SV2C: variants seen among roughly 807,000 people sequenced by gnomAD.
The protein encoded by SV2C is synaptic vesicle glycoprotein 2C.
In SV2C, 49 loss-of-function variants were observed where a neutral mutation model predicts 79.7. The observed-to-expected ratio is 0.61, with a 90% confidence interval of 0.49 to 0.78. The LOEUF (loss-of-function observed/expected upper bound fraction) is 0.78, where lower values mean the gene tolerates loss of function less well. Ranked by LOEUF, SV2C falls within the 30% of genes least tolerant of loss-of-function variation. SV2C has a pLI of 0.00. For synonymous variants in SV2C, 334 were observed against 333.2 expected (o/e 1.00, Z -0.03); for missense variants, 833 against 912.9 (o/e 0.91, Z 1.13).
At chr5:75,907,902 G>A in the SV2C span, among the ~76,000 whole-genome samples, 2 of 152,202 alleles carry the variant, frequency 1.3e-5, no homozygotes, top group African/African-American at 2.4e-5. Context: ...ATGGGTCTGC[G>A]ATAAGGTTTC....
the SV2C span, among the ~76,000 whole-genome samples, chr5:76,002,521 C>T: frequency 6.6e-6 from 1 of 152,132 alleles, no homozygotes; most frequent in Non-Finnish European, 1.5e-5. Flanking sequence ...TGTGAATGTA[C>T]TAAAAACCAT....
chr5:76,220,616 T>TAA, intron 4 of SV2C, among the ~76,000 whole-genome samples: 1 of 84,810 alleles, frequency 1.2e-5, no homozygotes. Context: ...GGACACTGTC[T>TAA]TAAAAAAAAA....
At chr5:76,082,988 C>T (rs1474449953), upstream of SV2C, among the ~76,000 whole-genome samples, 1 of 152,218 alleles carries the variant, frequency 6.6e-6, no homozygotes, top group African/African-American at 2.4e-5. Flanking sequence ...GGACCTGACC[C>T]GGGGCGCCGC....
At chr5:76,042,980 A>G in the SV2C span, among the ~76,000 whole-genome samples, 3 of 152,224 alleles carry the variant, frequency 2.0e-5, no homozygotes, top group African/African-American at 7.2e-5. Flanking sequence ...CCAATAGAAT[A>G]GTGGTTAGAT....
At chr5:75,878,374 C>G in the SV2C span, among the ~76,000 whole-genome samples, 1 of 152,116 alleles carries the variant, frequency 6.6e-6, no homozygotes. Context: ...ACGTCTGTTT[C>G]TTTTTCAGAA....
the SV2C span, among the ~76,000 whole-genome samples, chr5:75,919,867 A>C: frequency 2.0e-5 from 3 of 152,150 alleles, no homozygotes; most frequent in African/African-American, 4.8e-5. Flanking sequence ...CTCTCTGCCA[A>C]ATTCTGTATT....
rs1048248804 is a variant in SV2C at position 76,326,779 on chromosome 5, A to G, written c.*1232A>G. 5 of 151,890 alleles carry G rather than the reference A, an allele frequency of 3.3e-5. No homozygotes were observed. Among genetic ancestry groups the G allele is most frequent in the Admixed American group, 6.6e-5 (1 of 15,254 alleles). 9.4% of individuals were successfully genotyped at this position (151,890 alleles called of 1,614,324 possible). A position where few individuals can be genotyped will look rare whatever the true frequency, so the allele number is the denominator to read the frequency against. On this transcript the variant is annotated 3_prime_UTR_variant, in exon 13 of 13. Transcript: ENST00000502798. ...CTGTGGTTGTTTGACTGCTCATTTT[A>G]CCTCTGGAATCTGCCTGGGCTTGGA...
chr5:76,215,932 A>G (rs1269181305), intron 4 of SV2C, among the ~76,000 whole-genome samples: 1 of 152,046 alleles, frequency 6.6e-6, no homozygotes, highest in Non-Finnish European at 1.5e-5. Context: ...CAGTTCACAA[A>G]GCCTGAGCCT....
intron 2 of SV2C, among the ~76,000 whole-genome samples, chr5:76,165,040 C>CT (rs557931907): frequency 1.6e-3 from 248 of 151,978 alleles, no homozygotes; most frequent in African/African-American, 5.1e-3. Flanking sequence ...TGCAATCATC[C>CT]TTTTTTAAAA....
intron 12 of SV2C, among the ~76,000 whole-genome samples, chr5:76,309,599 CAAAAAAAAAAA>C (rs769865757): frequency 3.2e-4 from 6 of 18,706 alleles, no homozygotes; most frequent in Non-Finnish European, 4.1e-4. Flanking sequence ...AACTCCATCT[CAAAAAAAAAAA>C]AAAAAAAAAA....
the SV2C span, among the ~76,000 whole-genome samples, chr5:76,016,949 G>T: frequency 6.6e-6 from 1 of 152,188 alleles, no homozygotes; most frequent in South Asian, 2.1e-4. Flanking sequence ...TGCGCTGTGC[G>T]TCAAAGCATC....
At chr5:75,946,458 G>A in the SV2C span, among the ~76,000 whole-genome samples, 36 of 152,116 alleles carry the variant, frequency 2.4e-4, no homozygotes, top group African/African-American at 7.7e-4. Flanking sequence ...ATTCCACATT[G>A]TTTTTATTAT....
At chr5:76,054,997 G>A in the SV2C span, among the ~76,000 whole-genome samples, 1 of 152,068 alleles carries the variant, frequency 6.6e-6, no homozygotes, top group East Asian at 1.9e-4. Flanking sequence ...AAGTTCTTTA[G>A]TTTAATTAGA....
chr5:76,136,489 A>G (rs978449410), intron 2 of SV2C, among the ~76,000 whole-genome samples: 2 of 152,016 alleles, frequency 1.3e-5, no homozygotes, highest in East Asian at 1.9e-4. Flanking sequence ...TTGTTGTTAC[A>G]ATGTGACAAA....
intron 4 of SV2C, among the ~76,000 whole-genome samples, chr5:76,243,310 C>G (rs1745851950): frequency 6.6e-6 from 1 of 152,168 alleles, no homozygotes; most frequent in Non-Finnish European, 1.5e-5. Context: ...CACAAGAACG[C>G]TCTCAGATTA....
the SV2C span, among the ~76,000 whole-genome samples, chr5:76,003,863 G>A: frequency 6.6e-6 from 1 of 151,924 alleles, no homozygotes; most frequent in African/African-American, 2.4e-5. Context: ...AAGTCAGGCC[G>A]ACTGTCTAAT....
the SV2C span, among the ~76,000 whole-genome samples, chr5:75,922,749 T>C: frequency 6.6e-6 from 1 of 152,316 alleles, no homozygotes; most frequent in Non-Finnish European, 1.5e-5. Flanking sequence ...CAGCTCTGTC[T>C]TCTCTTCCAT....
At chr5:76,335,621 C>G (rs1348426816), downstream of SV2C, among the ~76,000 whole-genome samples, 2 of 152,092 alleles carry the variant, frequency 1.3e-5, no homozygotes, top group East Asian at 3.9e-4. Context: ...GTGGTGATGA[C>G]TCTTAACGAG....
At chr5:76,100,654 C>T (rs1747711829) in intron 1 of SV2C, among the ~76,000 whole-genome samples, 1 of 152,078 alleles carries the variant, frequency 6.6e-6, no homozygotes, top group East Asian at 1.9e-4. Flanking sequence ...GCATGCATAC[C>T]TGTGAGGGAG....
Sources: gnomAD v4.1 joint callset for allele counts (sites outside exome capture counted in the v4.1 genomes callset) on GRCh38, gnomAD v4.1.1 for gene constraint, MANE v1.5 for transcripts, NCBI Gene and HGNC (gene_info 2026-07-23, HGNC 2026-07-21) for gene names.